MAPK8IP2: variants seen among roughly 807,000 people sequenced by gnomAD.
The protein encoded by MAPK8IP2 is C-Jun-amino-terminal kinase-interacting protein 2.
A neutral mutation model predicts 75.6 loss-of-function variants in MAPK8IP2; 15 were observed. The observed-to-expected ratio is 0.20, with a 90% CI of 0.13 to 0.31. The LOEUF (loss-of-function observed/expected upper bound fraction) is 0.31, where lower values mean the gene tolerates loss of function less well. Among genes scored for constraint, MAPK8IP2 ranks in the 10% least tolerant of loss-of-function variants. The pLI, the probability that MAPK8IP2 is intolerant of heterozygous loss-of-function variation, is 1.00. For missense variants in MAPK8IP2, 1,089 were observed against 1,211.2 expected, an observed-to-expected ratio of 0.90 and a Z score of 1.50; for synonymous variants, 632 against 554.5, an observed-to-expected ratio of 1.14 and a Z score of -1.96.
chr22:50,607,094 G>T lies in MAPK8IP2; in HGVS notation c.2303+103G>T. On this transcript the variant is annotated intron_variant, in intron 10 of 11. Transcript: ENST00000329492. This position sits in a 1 kb window ranked among gnomAD's most constrained non-coding sequence, Gnocchi z 5.6. ...AGACCCTGAGGGCTGCCCGTGCCCAGCCCTGAGAGCTCCACCTGCACCCAC... is the reference window on the plus strand; with the variant it reads ...AGACCCTGAGGGCTGCCCGTGCCCATCCCTGAGAGCTCCACCTGCACCCAC... The T allele has an allele frequency of 3.4e-6, 3 of 881,812 alleles. No homozygotes were observed. Among genetic ancestry groups the T allele is most frequent in the Non-Finnish European group, 5.6e-6 (3 of 534,222 alleles). 54.6% of individuals were successfully genotyped at this position (881,812 alleles called of 1,614,324 possible).
At position 50,600,889 on chromosome 22, in the gene MAPK8IP2, C is replaced by G; in HGVS notation, c.65+6C>G. 1 of 1,249,316 alleles carries G rather than the reference C, an allele frequency of 8.0e-7. No homozygotes were observed. Among genetic ancestry groups the G allele is most frequent in the Non-Finnish European group, 1.0e-6 (1 of 967,514 alleles). The allele number at this position is 1,249,316 out of a possible 1,614,324, so 77.4% of individuals were successfully genotyped here. On this transcript the variant is annotated splice_donor_region_variant and intron_variant, in intron 1 of 11. Coordinates refer to ENST00000329492, the MANE Select transcript of MAPK8IP2 (RefSeq NM_012324.6). ...CTGTCGCCGCCGGGCTGCAGGTACC[C>G]CCCTCGGCGCCCGGGCCGGGCGGAC...
At chr22:50,602,433 G>A (rs953402771) in intron 2 of MAPK8IP2, among the ~76,000 whole-genome samples, 3 of 152,228 alleles carry the variant, frequency 2.0e-5, no homozygotes, top group Non-Finnish European at 4.4e-5. Context: ...GAGTGGAACA[G>A]GACAGCTGCT....
intron 10 of MAPK8IP2, chr22:50,609,697 G>A (rs777833028): frequency 5.9e-5 from 29 of 492,688 alleles, no homozygotes; most frequent in Non-Finnish European, 7.7e-5. Context: ...GGAGGAGCTG[G>A]GCAGTGACTC....
Position 50,604,885 on chromosome 22 carries a change from G to C in MAPK8IP2, c.1586G>C (p.Cys529Ser). 5 of 1,608,114 alleles carry C rather than the reference G, an allele frequency of 3.1e-6. 1 individual carries two copies. In the South Asian group the frequency reaches 3.3e-5, roughly 11 times the overall value. ...TQLELVSLRR[C>S]AGLGHDSEED... ...CTGGAGCTGGTGAGCCTGCGGCGCT[G>C]TGCTGGGCTGGGCCACGACAGCGAA... The change falls in exon 5 of 12, where the codon TGT becomes TCT. Residue 529 changes from cysteine (C) to serine (S), a missense_variant. Cys to Ser is a moderately radical substitution (Grantham distance 112). Transcript: ENST00000329492.
In MAPK8IP2 at chr22:50,603,914, C is replaced by A; in HGVS notation, c.615C>A (p.Asp205Glu). The stretch of plus-strand genomic sequence containing the variant: ...AGTCGCCAGTGCGCCCGGGTTGCGA[C>A]TGCGAAGGGAACCGGCCTGCGGAAC... ...GAQSPVRPGC[D>E]CEGNRPAEPP... The change falls in exon 5 of 12, where the codon GAC (aspartate) becomes GAA (glutamate). Residue 205 changes from aspartate to glutamate, a missense_variant. Asp to Glu is a conservative substitution (Grantham distance 45, BLOSUM62 2). Around this residue, in one of 2 missense-constraint regions of MAPK8IP2, gnomAD observed 960 missense variants for 1,009.6 expected, o/e 0.95. Transcript: ENST00000329492. 2 of 1,538,136 alleles carry A rather than the reference C, an allele frequency of 1.3e-6. No homozygotes were observed. The highest frequency in any genetic ancestry group is 4.9e-5 in the East Asian group (2 of 40,738).
intron 5 of MAPK8IP2, 66 bp downstream of exon 5, chr22:50,605,130 C>G: frequency 1.9e-6 from 3 of 1,577,108 alleles, no homozygotes; most frequent in Non-Finnish European, 2.6e-6. Flanking sequence ...GCCCCAGTCC[C>G]AGGGTCCCCC....
At position 50,610,207 on chromosome 22, in the gene MAPK8IP2, C is replaced by A; in HGVS notation, c.2304-5C>A. On this transcript the variant is annotated splice_polypyrimidine_tract_variant and splice_region_variant and intron_variant, in intron 10 of 11. Transcript: ENST00000329492. The surrounding 1 kb of genome is among the most constrained non-coding windows in gnomAD (Gnocchi z 4.3). ...GACGTGCCCTCCACACTGACTTGCC[C>A]GCAGCTATTTCGGCTTCATCACCAA... 6.3e-7 allele frequency: 1 copy of A among 1,596,962 alleles called. No individual in the cohort carries two copies. The highest frequency in any genetic ancestry group is 2.3e-5 in the East Asian group (1 of 44,018).
chr22:50,602,557 A>G (rs1371308774), intron 2 of MAPK8IP2, among the ~76,000 whole-genome samples: 2 of 152,204 alleles, frequency 1.3e-5, no homozygotes, highest in African/African-American at 4.8e-5. Context: ...AAGGGAACCC[A>G]ATCCACACTG....
rs747781847 is a variant in MAPK8IP2 at position 50,610,927 on chromosome 22, G to A, written c.*148G>A. On this transcript the variant is annotated 3_prime_UTR_variant, in exon 12 of 12. Coordinates refer to ENST00000329492, the MANE Select transcript of MAPK8IP2 (RefSeq NM_012324.6). The surrounding 1 kb of genome is among the most constrained non-coding windows in gnomAD (Gnocchi z 4.3). Reference sequence around the variant, plus strand: ...GGGGGTCTGCGGGCTGGGAACTCTCGTCCTCGGTCCCCAGGGCGCAGCTGT... The same window carrying A: ...GGGGGTCTGCGGGCTGGGAACTCTCATCCTCGGTCCCCAGGGCGCAGCTGT... 1.5e-5 allele frequency: 10 copies of A among 651,654 alleles called. No homozygotes were observed. Among genetic ancestry groups the A allele is most frequent in the African/African-American group, 7.4e-5 (4 of 54,116 alleles). 40.4% of individuals were successfully genotyped at this position (651,654 alleles called of 1,614,324 possible). A position where few individuals can be genotyped will look rare whatever the true frequency, so the allele number is the denominator to read the frequency against.
Position 50,610,400 on chromosome 22 carries a change from C to A in MAPK8IP2, c.2402+90C>A. The A allele has an allele frequency of 2.7e-6, 3 of 1,118,670 alleles. No homozygotes were observed. The highest frequency in any genetic ancestry group is 3.9e-6 in the Non-Finnish European group (3 of 763,112). The allele number at this position is 1,118,670 out of a possible 1,614,324, so 69.3% of individuals were successfully genotyped here. ...TGAGCAGGTGGGGGCAGGAGCCTGG[C>A]AGGGGAGGTCTGGGGAAGGAGAACC... On this transcript the variant is annotated intron_variant, in intron 11 of 11. Coordinates refer to ENST00000329492, the MANE Select transcript of MAPK8IP2 (RefSeq NM_012324.6). The surrounding 1 kb of genome is among the most constrained non-coding windows in gnomAD (Gnocchi z 4.3).
At position 50,613,840 on chromosome 22, in the gene MAPK8IP2, G is replaced by A. The variant is rs574679149; in HGVS notation, c.*3061G>A. On this transcript the variant is annotated 3_prime_UTR_variant, in exon 12 of 12. Transcript: ENST00000329492. ...CTGCTGACTGTGAGCCCAGAGAGCA[G>A]GCGTGGCTGTTGACCTTAGGTCCTC... 6.6e-6 allele frequency: 1 copy of A among 152,394 alleles called. No homozygotes were observed. Among genetic ancestry groups the A allele is most frequent in the Non-Finnish European group, 1.5e-5 (1 of 68,056 alleles). 9.4% of individuals were successfully genotyped at this position (152,394 alleles called of 1,614,324 possible).
At chr22:50,609,748 C>T (rs763242785) in intron 10 of MAPK8IP2, 12 of 515,336 alleles carry the variant, frequency 2.3e-5, no homozygotes, top group Admixed American at 9.8e-5. Context: ...CCAGTGGGAG[C>T]GAGGGGTAGA....
chr22:50,606,871 T>G (rs1603444365), intron 9 of MAPK8IP2, 50 bp from the exon 10 acceptor site: 1 of 1,595,494 alleles, frequency 6.3e-7, no homozygotes, highest in Non-Finnish European at 8.6e-7. Flanking sequence ...GAGGCAGGGG[T>G]GGCGCCAGGC....
At position 50,604,554 on chromosome 22, in the gene MAPK8IP2, CCGCCCG is replaced by C; in HGVS notation, c.1263_1268del (p.Pro422_Ala423del). The C allele has an allele frequency of 8.7e-7, 1 of 1,150,356 alleles. No individual in the cohort carries two copies. The highest frequency in any genetic ancestry group is 1.1e-6 in the Non-Finnish European group (1 of 940,102). The allele number at this position is 1,150,356 out of a possible 1,614,324, so 71.3% of individuals were successfully genotyped here. On this transcript the variant is annotated inframe_deletion, in exon 5 of 12. Transcript: ENST00000329492. ...CATGGAGACGCTGTGCGCGCCGCCG[CCGCCCG>C]CGCCCGCCGCGCCTCGACCCGGCCC...
At chr22:50,605,239 CT>C in intron 5 of MAPK8IP2, 128 bp from the exon 6 acceptor site, 1 of 1,134,878 alleles carries the variant, frequency 8.8e-7, no homozygotes. Flanking sequence ...GCCTCAGCTC[CT>C]TCCCGCTCGT....
In MAPK8IP2 at chr22:50,610,888, G is replaced by A. The variant is rs2071138142; in HGVS notation, c.*109G>A. ...CAAGGACTGGATTGGGGGGACATGG[G>A]ACCTTACGCTTGTGGGGGTCTGCGG... On this transcript the variant is annotated 3_prime_UTR_variant, in exon 12 of 12. Transcript: ENST00000329492. This position sits in a 1 kb window ranked among gnomAD's most constrained non-coding sequence, Gnocchi z 4.3. 3 of 949,676 alleles carry A rather than the reference G, an allele frequency of 3.2e-6. No homozygotes were observed. The highest frequency in any genetic ancestry group is 4.7e-6 in the Non-Finnish European group (3 of 635,282). 58.8% of individuals were successfully genotyped at this position (949,676 alleles called of 1,614,324 possible). A position where few individuals can be genotyped will look rare whatever the true frequency, so the allele number is the denominator to read the frequency against.
intron 1 of MAPK8IP2, chr22:50,601,555 G>A: frequency 2.0e-6 from 1 of 498,888 alleles, no homozygotes; most frequent in South Asian, 2.4e-5. Flanking sequence ...AGGCGGGGTG[G>A]GAGGGGTGGG....
At chr22:50,609,711 G>A (rs1168158657) in intron 10 of MAPK8IP2, 2 of 503,414 alleles carry the variant, frequency 4.0e-6, no homozygotes, top group Non-Finnish European at 7.9e-6. Context: ...GTGACTCCAT[G>A]AGCGAGGCCC....
chr22:50,609,045 G>A (rs997495807), intron 10 of MAPK8IP2, among the ~76,000 whole-genome samples: 1 of 152,178 alleles, frequency 6.6e-6, no homozygotes, highest in African/African-American at 2.4e-5. Context: ...GGAGGTGGAG[G>A]AGCTGCTGCC....
Sources: gnomAD v4.1 joint callset for allele counts (sites outside exome capture counted in the v4.1 genomes callset) on GRCh38, gnomAD v4.1.1 for gene constraint, gnomAD v4.1.1 regional missense constraint, Gnocchi (gnomAD v3.1) non-coding constraint, MANE v1.5 for transcripts, NCBI Gene and HGNC (gene_info 2026-07-23, HGNC 2026-07-21) for gene names.